The following SLC24A2 variants were observed in gnomAD, a reference collection of about 807,000 sequenced individuals.
SLC24A2 encodes the protein solute carrier family 24 member 2, also known as sodium/potassium/calcium exchanger 2.
Under a neutral mutation model 62.0 loss-of-function variants are expected in SLC24A2, and 36 were observed. The observed-to-expected ratio is 0.58, with a 90% CI of 0.44 to 0.77. The LOEUF (loss-of-function observed/expected upper bound fraction) is 0.77. Ranked by LOEUF, SLC24A2 falls within the 30% of genes least tolerant of loss-of-function variation. SLC24A2 has a pLI of 0.00. For missense variants in SLC24A2, 846 were observed against 817.9 expected (o/e 1.03, Z -0.42); for synonymous variants, 358 against 294.0 (o/e 1.22, Z -2.23).
chr9:20,196,893 A>T, the SLC24A2 span, among the ~76,000 whole-genome samples: 2 of 152,238 alleles, frequency 1.3e-5, no homozygotes, highest in African/African-American at 4.8e-5. Context: ...TTGTCCATGC[A>T]TATATGCCTT....
the SLC24A2 span, among the ~76,000 whole-genome samples, chr9:20,207,183 G>A: frequency 2.6e-5 from 4 of 152,092 alleles, no homozygotes; most frequent in Admixed American, 1.3e-4. Flanking sequence ...GCAGACTTTA[G>A]TATCTGAAAT....
chr9:20,018,719 C>T, the SLC24A2 span, among the ~76,000 whole-genome samples: 1 of 152,104 alleles, frequency 6.6e-6, no homozygotes, highest in Non-Finnish European at 1.5e-5. Context: ...CAGTTCTTAC[C>T]ATCCCCTGAT....
the SLC24A2 span, among the ~76,000 whole-genome samples, chr9:19,956,692 C>A: frequency 6.6e-6 from 1 of 152,130 alleles, no homozygotes; most frequent in African/African-American, 2.4e-5. Flanking sequence ...ACGAGAACAG[C>A]ATGGGAAAGA....
At chr9:20,230,570 T>C in the SLC24A2 span, among the ~76,000 whole-genome samples, 1 of 151,212 alleles carries the variant, frequency 6.6e-6, no homozygotes. Context: ...CACCCAATTT[T>C]GATGGGGTTG....
the SLC24A2 span, among the ~76,000 whole-genome samples, chr9:19,802,555 C>T: frequency 1.3e-5 from 2 of 152,014 alleles, no homozygotes; most frequent in African/African-American, 2.4e-5. Context: ...ATGTTAAATG[C>T]TTAAATATTT....
At chr9:19,924,086 A>C in the SLC24A2 span, among the ~76,000 whole-genome samples, 1 of 152,048 alleles carries the variant, frequency 6.6e-6, no homozygotes, top group Non-Finnish European at 1.5e-5. Flanking sequence ...CACTGTGTTC[A>C]CTCCGTTATG....
chr9:19,898,731 G>T, the SLC24A2 span, among the ~76,000 whole-genome samples: 1 of 104,120 alleles, frequency 9.6e-6, no homozygotes, highest in South Asian at 3.5e-4. Context: ...GACAGAGCAA[G>T]ACTCCATCTC....
chr9:19,837,983 G>T, the SLC24A2 span, among the ~76,000 whole-genome samples: 1 of 151,448 alleles, frequency 6.6e-6, no homozygotes, highest in Non-Finnish European at 1.5e-5. Flanking sequence ...CGTGAAAATG[G>T]CCATACTGCC....
rs572792894 is a variant in SLC24A2 at position 19,512,290 on chromosome 9, G to A, written c.*3863C>T. ...ATGTCTTCCCTATAAAATAAATTATGATGGCCCTTGTCAGGTGACACCTGT... is the reference window on the plus strand; with the variant it reads ...ATGTCTTCCCTATAAAATAAATTATAATGGCCCTTGTCAGGTGACACCTGT... On this transcript the variant is annotated 3_prime_UTR_variant, in exon 11 of 11. Transcript: ENST00000341998. 1.3e-5 allele frequency: 2 copies of A among 152,218 alleles called. No homozygotes were observed. The highest frequency in any genetic ancestry group is 2.9e-5 in the Non-Finnish European group (2 of 68,040). 9.4% of individuals were successfully genotyped at this position (152,218 alleles called of 1,614,324 possible). A position where few individuals can be genotyped will look rare whatever the true frequency, so the allele number is the denominator to read the frequency against.
the SLC24A2 span, among the ~76,000 whole-genome samples, chr9:20,189,335 C>T: frequency 6.6e-5 from 10 of 152,200 alleles, no homozygotes; most frequent in South Asian, 1.5e-3. Flanking sequence ...GTTGATAAAT[C>T]GACTGCTGGG....
At chr9:19,788,315 G>C (rs369239729) in intron 1 of SLC24A2, among the ~76,000 whole-genome samples, 2 of 152,184 alleles carry the variant, frequency 1.3e-5, no homozygotes, top group Non-Finnish European at 1.5e-5. Context: ...GTAAATGCCC[G>C]GCCCGGGCGA....
At chr9:19,771,342 C>T (rs1458779511) in intron 2 of SLC24A2, among the ~76,000 whole-genome samples, 1 of 152,214 alleles carries the variant, frequency 6.6e-6, no homozygotes, top group Non-Finnish European at 1.5e-5. Context: ...GTGTGACTTG[C>T]AGAGCATTAA....
At chr9:19,946,029 A>G in the SLC24A2 span, among the ~76,000 whole-genome samples, 2 of 152,202 alleles carry the variant, frequency 1.3e-5, no homozygotes, top group Non-Finnish European at 2.9e-5. Context: ...TAAAACTGCT[A>G]GGACTTTAGA....
intron 2 of SLC24A2, among the ~76,000 whole-genome samples, chr9:19,751,941 G>C (rs902091683): frequency 6.6e-6 from 1 of 152,186 alleles, no homozygotes; most frequent in Non-Finnish European, 1.5e-5. Context: ...AAGACAGAAT[G>C]AACTTGTCCT....
chr9:19,571,235 G>T (rs891323792), intron 7 of SLC24A2, among the ~76,000 whole-genome samples: 1 of 152,184 alleles, frequency 6.6e-6, no homozygotes, highest in South Asian at 2.1e-4. Context: ...CTAATGCAAA[G>T]GGACCACAGG....
chr9:20,098,820 C>T, the SLC24A2 span, among the ~76,000 whole-genome samples: 3 of 152,200 alleles, frequency 2.0e-5, no homozygotes, highest in Non-Finnish European at 4.4e-5. Context: ...AGGGAAAAAT[C>T]TCTCACAGTT....
chr9:19,734,560 G>A (rs61882000), intron 2 of SLC24A2, among the ~76,000 whole-genome samples: 24 of 152,138 alleles, frequency 1.6e-4, no homozygotes, highest in Middle Eastern at 3.4e-3. Context: ...CTTTTACTTC[G>A]TTGAGCAGTG....
At chr9:19,913,594 T>C in the SLC24A2 span, among the ~76,000 whole-genome samples, 7 of 152,232 alleles carry the variant, frequency 4.6e-5, no homozygotes, top group Non-Finnish European at 8.8e-5. Flanking sequence ...AAGATAGAGA[T>C]GGAGTAGGTG....
the SLC24A2 span, among the ~76,000 whole-genome samples, chr9:20,079,670 C>G: frequency 1.5e-4 from 23 of 152,184 alleles, no homozygotes; most frequent in African/African-American, 4.6e-4. Flanking sequence ...GGGATAAATT[C>G]TCAGAAATGG....
Sources: gnomAD v4.1 joint callset for allele counts (sites outside exome capture counted in the v4.1 genomes callset) on GRCh38, gnomAD v4.1.1 for gene constraint, MANE v1.5 for transcripts, NCBI Gene and HGNC (gene_info 2026-07-23, HGNC 2026-07-21) for gene names.